Variants in COL22A1 observed in about 807,000 individuals in gnomAD.
The protein encoded by COL22A1 is collagen alpha-1(XXII) chain.
Under a neutral mutation model 248.9 loss-of-function variants are expected in COL22A1, and 221 were observed. The observed-to-expected ratio is 0.89, with a 90% CI of 0.80 to 0.99. COL22A1 has a LOEUF of 0.99. COL22A1 is among the 50% of genes least tolerant of loss of function. COL22A1 has a pLI of 0.00. For synonymous variants in COL22A1, 891 were observed against 793.4 expected (o/e 1.12, Z -2.07); for missense variants, 2,240 against 2,179.0 (o/e 1.03, Z -0.56).
At chr8:138,797,287 A>G (rs1003647067) in intron 11 of COL22A1, among the ~76,000 whole-genome samples, 1 of 152,144 alleles carries the variant, frequency 6.6e-6, no homozygotes, top group Non-Finnish European at 1.5e-5. Flanking sequence ...GAAAACATTA[A>G]TCTGTTTTCT....
At chr8:138,764,740 C>A (rs1291627877) in intron 16 of COL22A1, among the ~76,000 whole-genome samples, 2 of 152,194 alleles carry the variant, frequency 1.3e-5, no homozygotes, top group African/African-American at 4.8e-5. Flanking sequence ...AGGCAAATCA[C>A]CTGAGGTCAG....
chr8:138,666,349 G>C (rs1230834216), intron 41 of COL22A1, among the ~76,000 whole-genome samples: 3 of 152,158 alleles, frequency 2.0e-5, no homozygotes, highest in African/African-American at 7.2e-5. Context: ...GCCAGGAGTG[G>C]TCCTATCTGC....
Position 138,588,781 on chromosome 8 carries a change from A to G in COL22A1, c.*472T>C, listed in dbSNP as rs1816801719. On this transcript the variant is annotated 3_prime_UTR_variant, in exon 65 of 65. Coordinates refer to ENST00000303045, the MANE Select transcript of COL22A1 (RefSeq NM_152888.3). ...TATTTCTCCTGGGTGATCTCCGGGC[A>G]TGACTGAGAATGAAGCCCATTGGCT... 4 of 153,102 alleles carry G rather than the reference A, an allele frequency of 2.6e-5. No individual in the cohort carries two copies. The South Asian group carries it at 8.3e-4, about 32-fold the overall frequency. 9.5% of individuals were successfully genotyped at this position (153,102 alleles called of 1,614,324 possible).
chr8:138,700,027 A>T, intron 32 of COL22A1, 85 bp downstream of exon 32: 1 of 1,306,902 alleles, frequency 7.7e-7, no homozygotes, highest in Non-Finnish European at 1.1e-6. Flanking sequence ...TCCTCACCCC[A>T]CCCAGTCCAG....
chr8:138,669,218 C>G (rs1376877399), intron 41 of COL22A1, among the ~76,000 whole-genome samples: 1 of 152,144 alleles, frequency 6.6e-6, no homozygotes, highest in African/African-American at 2.4e-5. Flanking sequence ...GGCCAGGCAC[C>G]TGGGGAGACC....
At chr8:138,715,885 C>T in intron 29 of COL22A1, 150 bp from the exon 30 acceptor site, 3 of 646,794 alleles carry the variant, frequency 4.6e-6, no homozygotes, top group Admixed American at 2.9e-5. Context: ...AAAGTGGCCA[C>T]AGTGAAGTGT....
In COL22A1 at chr8:138,746,869, C is replaced by T. The variant is rs143833352; in HGVS notation, c.2085+4589G>A. Among the ~76,000 whole-genome samples the T allele has an allele frequency of 2.6e-5, 4 of 152,310 alleles. No individual in the cohort carries two copies. In the East Asian group the frequency reaches 5.8e-4, roughly 22 times the overall value. On this transcript the variant is annotated intron_variant, in intron 22 of 64. Coordinates refer to ENST00000303045, the MANE Select transcript of COL22A1 (RefSeq NM_152888.3). ...CCCCTGCCCTTTCTCAGTGGATCAC[C>T]GTGGGAGCCTTCTAACTGGCCTCCT...
Position 138,722,031 on chromosome 8 carries a change from C to G in COL22A1, c.2301+5G>C. On this transcript the variant is annotated splice_donor_5th_base_variant and intron_variant, in intron 26 of 64. Coordinates refer to ENST00000303045, the MANE Select transcript of COL22A1 (RefSeq NM_152888.3). ...AAACTGGTGCCAACCGCATCAGTGA[C>G]CAACCTTGGTTCCTGGCGGACCTGG... 6.4e-7 allele frequency: 1 copy of G among 1,570,900 alleles called. No homozygotes were observed. The highest frequency in any genetic ancestry group is 8.7e-7 in the Non-Finnish European group (1 of 1,155,706).
intron 3 of COL22A1, among the ~76,000 whole-genome samples, chr8:138,871,177 C>T (rs899298197): frequency 1.3e-5 from 2 of 152,132 alleles, no homozygotes; most frequent in East Asian, 3.9e-4. Context: ...GCCTCCCTGC[C>T]GTCCCCTGGG....
At position 138,845,784 on chromosome 8, in the gene COL22A1, C is replaced by T. The variant is rs1821200708; in HGVS notation, c.659-1626G>A. ...GGATTGGGCAAGATTATGCCCACAA[C>T]AGCACTGAAAGGCTGTAAGGAGGTT... On this transcript the variant is annotated intron_variant, in intron 3 of 64. Coordinates refer to ENST00000303045, the MANE Select transcript of COL22A1 (RefSeq NM_152888.3). Among the ~76,000 whole-genome samples the T allele has an allele frequency of 2.0e-5, 3 of 152,256 alleles. No homozygotes were observed. In the South Asian group the frequency reaches 6.2e-4, roughly 32 times the overall value.
intron 49 of COL22A1, 86 bp downstream of exon 49, chr8:138,634,924 C>G: frequency 1.1e-6 from 1 of 925,264 alleles, no homozygotes. Flanking sequence ...GAGAGATATG[C>G]TCAGTGTCAT....
rs1587636364 is a variant in COL22A1, at chr8:138,599,101, G to C, written c.4186-203C>G. Among the ~76,000 whole-genome samples, 3 of 152,184 alleles carry C rather than the reference G, an allele frequency of 2.0e-5. 1 individual carries two copies. The East Asian group carries it at 5.8e-4, about 29-fold the overall frequency. Reference sequence around the variant, plus strand: ...CCTGATTGTACAAATGAAAATATGGGGGAGGCTGAGGCTGGCAGATCATGA... The same window carrying C: ...CCTGATTGTACAAATGAAAATATGGCGGAGGCTGAGGCTGGCAGATCATGA... On this transcript the variant is annotated intron_variant, in intron 60 of 64. Coordinates refer to ENST00000303045, the MANE Select transcript of COL22A1 (RefSeq NM_152888.3).
rs1471021413 is a variant in COL22A1 at position 138,878,004 on chromosome 8, C to T, written c.404G>A (p.Gly135Asp). 18 of 1,582,000 alleles carry T rather than the reference C, an allele frequency of 1.1e-5. No individual in the cohort carries two copies. The highest frequency in any genetic ancestry group is 1.5e-5 in the Non-Finnish European group (17 of 1,164,338). Residue 135 changes from glycine (G) to aspartate (D), a missense_variant, in exon 3 of 65, where the codon GGC becomes GAC. Gly to Asp is a moderately conservative substitution (Grantham distance 94, BLOSUM62 -1). Coordinates refer to ENST00000303045, the MANE Select transcript of COL22A1 (RefSeq NM_152888.3). ...CTTGTAGGCGCGGTCCCTGGGGCGG[C>T]CGCCGGCGTGTGGGGAGAAGCTGCG... ...TARSFSPHAGGRPRDRAYKQV... is the reference protein window; with the variant it reads ...TARSFSPHAGDRPRDRAYKQV...
chr8:138,707,657 T>C (rs1259415093), intron 30 of COL22A1, among the ~76,000 whole-genome samples: 2 of 152,214 alleles, frequency 1.3e-5, no homozygotes, highest in Non-Finnish European at 2.9e-5. Context: ...GAGCTATTTA[T>C]GACAAACCCA....
chr8:138,835,050 C>T (rs574778407), intron 4 of COL22A1, among the ~76,000 whole-genome samples: 3 of 152,188 alleles, frequency 2.0e-5, no homozygotes, highest in Non-Finnish European at 1.5e-5. Flanking sequence ...GAAGGCGCTC[C>T]GGGAGGAAGC....
chr8:138,881,949 C>G (rs1395841855), intron 2 of COL22A1, among the ~76,000 whole-genome samples: 1 of 152,134 alleles, frequency 6.6e-6, no homozygotes, highest in Non-Finnish European at 1.5e-5. Context: ...CCATGTCTCT[C>G]CCCTCCTGCC....
At chr8:138,628,760 CTTTTTTTTT>C (rs56318714) in intron 50 of COL22A1, among the ~76,000 whole-genome samples, 172 of 124,182 alleles carry the variant, frequency 1.4e-3, no homozygotes, top group East Asian at 3.9e-3. Flanking sequence ...AGATCCACAT[CTTTTTTTTT>C]TTTTTTTTTT....
chr8:138,912,131 CAA>C (rs1472339791), intron 1 of COL22A1, among the ~76,000 whole-genome samples: 1 of 152,104 alleles, frequency 6.6e-6, no homozygotes, highest in Non-Finnish European at 1.5e-5. Flanking sequence ...GCTCCATCAG[CAA>C]AAGAGAAAAT....
chr8:138,661,981 G>T (rs754480062), intron 43 of COL22A1, 49 bp downstream of exon 43: 3 of 1,464,800 alleles, frequency 2.0e-6, no homozygotes, highest in Non-Finnish European at 2.8e-6. Flanking sequence ...GGGCTTTCAG[G>T]GGTCATGTAA....
Sources: gnomAD v4.1 joint callset for allele counts (sites outside exome capture counted in the v4.1 genomes callset) on GRCh38, gnomAD v4.1.1 for gene constraint, MANE v1.5 for transcripts, NCBI Gene and HGNC (gene_info 2026-07-23, HGNC 2026-07-21) for gene names.